The following TMIGD3 variants were observed in gnomAD, a reference collection of about 807,000 sequenced individuals.
TMIGD3 encodes transmembrane and immunoglobulin domain containing 3.
TMIGD3 carries 21 observed loss-of-function variants against 28.1 expected under a neutral mutation model. The observed-to-expected ratio is 0.75, with a 90% confidence interval of 0.53 to 1.08. The LOEUF is 1.08. Among genes scored for constraint, TMIGD3 ranks in the 50% least tolerant of loss-of-function variants. TMIGD3 has a pLI of 0.00. For missense variants in TMIGD3, 416 were observed against 435.6 expected (o/e 0.96, Z 0.40); for synonymous variants, 151 against 162.1 (o/e 0.93, Z 0.52).
At chr1:111,514,045 C>T (rs1655779796) in intron 1 of TMIGD3, among the ~76,000 whole-genome samples, 1 of 152,170 alleles carries the variant, frequency 6.6e-6, no homozygotes, top group Admixed American at 6.5e-5. Flanking sequence ...CCTCACAACC[C>T]CGTCCCTTCT....
intron 1 of TMIGD3, among the ~76,000 whole-genome samples, chr1:111,559,659 AATTATT>A (rs573692009): frequency 2.3e-4 from 35 of 152,290 alleles, no homozygotes; most frequent in African/African-American, 7.0e-4. Flanking sequence ...GCAAATATAA[AATTATT>A]ATTATTAATA....
At chr1:111,511,048 A>G (rs2100994254) in intron 1 of TMIGD3, among the ~76,000 whole-genome samples, 1 of 152,306 alleles carries the variant, frequency 6.6e-6, no homozygotes, top group African/African-American at 2.4e-5. Context: ...TTCCCCCAGG[A>G]AGAATGTATT....
chr1:111,560,546 T>A (rs947497783), intron 1 of TMIGD3, among the ~76,000 whole-genome samples: 1 of 151,242 alleles, frequency 6.6e-6, no homozygotes, highest in Non-Finnish European at 1.5e-5. Context: ...TGGAGTGCAA[T>A]GGCACGATCA....
intron 1 of TMIGD3, among the ~76,000 whole-genome samples, chr1:111,554,136 A>G (rs1242564033): frequency 1.3e-5 from 2 of 152,248 alleles, no homozygotes; most frequent in Non-Finnish European, 2.9e-5. Context: ...CCTATGCCTC[A>G]GTTTCTCCAT....
At chr1:111,525,162 C>G (rs922633515) in intron 1 of TMIGD3, among the ~76,000 whole-genome samples, 9 of 152,166 alleles carry the variant, frequency 5.9e-5, no homozygotes, top group African/African-American at 1.2e-4. Context: ...GTGGATAGGT[C>G]TATAACTGCC....
At chr1:111,509,089 C>A (rs1336763993) in intron 1 of TMIGD3, among the ~76,000 whole-genome samples, 1 of 152,142 alleles carries the variant, frequency 6.6e-6, no homozygotes, top group Non-Finnish European at 1.5e-5. Flanking sequence ...AGCGAGACTC[C>A]GTCTCAAACA....
intron 3 of TMIGD3, 103 bp from the exon 4 acceptor site, chr1:111,486,755 G>A: frequency 1.0e-6 from 1 of 975,350 alleles, no homozygotes; most frequent in East Asian, 2.4e-5. Context: ...CAGAGAGTGA[G>A]TCCCCTGGTT....
chr1:111,499,814 G>A, intron 1 of TMIGD3: 1 of 1,496,216 alleles, frequency 6.7e-7, no homozygotes, highest in South Asian at 1.4e-5. Flanking sequence ...TATAATTGGG[G>A]AGCACTGGAG....
At chr1:111,529,974 A>T (rs1656400842) in intron 1 of TMIGD3, among the ~76,000 whole-genome samples, 1 of 95,012 alleles carries the variant, frequency 1.1e-5, no homozygotes, top group East Asian at 7.0e-4. Context: ...CACCTCCCGG[A>T]TGGGGCGGCT....
chr1:111,516,484 C>T (rs1450616819), intron 1 of TMIGD3, among the ~76,000 whole-genome samples: 8 of 152,176 alleles, frequency 5.3e-5, no homozygotes, highest in African/African-American at 1.7e-4. Context: ...GCATCTGTTT[C>T]CTCTCCTAAA....
intron 2 of TMIGD3, chr1:111,489,667 G>A (rs745986654): frequency 1.8e-5 from 21 of 1,143,728 alleles, no homozygotes; most frequent in South Asian, 1.5e-4. Flanking sequence ...GAGGCTTACC[G>A]TTAGGAGGCC....
At chr1:111,489,768 G>A in intron 2 of TMIGD3, 1 of 1,016,032 alleles carries the variant, frequency 9.8e-7, no homozygotes, top group Non-Finnish European at 1.2e-6. Flanking sequence ...TGAAAACAGA[G>A]GAAGTCATGT....
At position 111,492,701 on chromosome 1, in the gene TMIGD3, C is replaced by G. The variant is rs1485887608; in HGVS notation, c.351-1939G>C. Among the ~76,000 whole-genome samples the G allele has an allele frequency of 2.0e-5, 3 of 151,696 alleles. No homozygotes were observed. The South Asian group carries it at 6.2e-4, about 32-fold the overall frequency. Reference sequence around the variant, plus strand: ...TGGTGGTGCGTGCCTGTAGTCCCAGCTACTCAGGAGGCTGAGGCAGGAGAA... The same window carrying G: ...TGGTGGTGCGTGCCTGTAGTCCCAGGTACTCAGGAGGCTGAGGCAGGAGAA... On this transcript the variant is annotated intron_variant, in intron 1 of 5. Transcript: ENST00000369716.
intron 1 of TMIGD3, among the ~76,000 whole-genome samples, chr1:111,541,521 A>G (rs980535613): frequency 6.6e-6 from 1 of 152,164 alleles, no homozygotes; most frequent in African/African-American, 2.4e-5. Context: ...GCCAAGTTGG[A>G]GGTGTCAATG....
chr1:111,531,449 C>G (rs1656456872), intron 1 of TMIGD3, among the ~76,000 whole-genome samples: 1 of 152,152 alleles, frequency 6.6e-6, no homozygotes, highest in African/African-American at 2.4e-5. Context: ...TCATTCAGGT[C>G]TATTTTTATG....
intron 2 of TMIGD3, 36 bp from the exon 3 acceptor site, chr1:111,489,060 C>T: frequency 6.5e-7 from 1 of 1,531,176 alleles, no homozygotes; most frequent in Non-Finnish European, 9.0e-7. Context: ...CACGTGCACA[C>T]ACACACACCA....
intron 1 of TMIGD3, chr1:111,500,659 A>G: frequency 8.9e-7 from 1 of 1,128,434 alleles, no homozygotes. Context: ...TAAGGCATAT[A>G]CTCTCTTAAT....
intron 3 of TMIGD3, among the ~76,000 whole-genome samples, chr1:111,487,772 A>T (rs1011174482): frequency 6.6e-6 from 1 of 152,190 alleles, no homozygotes; most frequent in Non-Finnish European, 1.5e-5. Context: ...TAGGGTGCTT[A>T]CTAGTTGGAC....
chr1:111,527,822 C>G (rs924709388), intron 1 of TMIGD3, among the ~76,000 whole-genome samples: 1 of 152,060 alleles, frequency 6.6e-6, no homozygotes, highest in Non-Finnish European at 1.5e-5. Context: ...CTGTTCAGGT[C>G]TTTTGCCCAT....
Sources: gnomAD v4.1 joint callset for allele counts (sites outside exome capture counted in the v4.1 genomes callset) on GRCh38, gnomAD v4.1.1 for gene constraint, MANE v1.5 for transcripts, NCBI Gene and HGNC (gene_info 2026-07-23, HGNC 2026-07-21) for gene names.